ZNF536: variants seen among roughly 807,000 people sequenced by gnomAD.
ZNF536 encodes zinc finger protein 536.
In ZNF536, 13 loss-of-function variants were observed where a neutral mutation model predicts 84.5. That is an observed-to-expected ratio of 0.15 (90% CI 0.10 to 0.24). The LOEUF (loss-of-function observed/expected upper bound fraction) is 0.24, where lower values mean the gene tolerates loss of function less well. Among genes scored for constraint, ZNF536 ranks in the 10% least tolerant of loss-of-function variants. The pLI is 1.00. For missense variants in ZNF536, 1,536 were observed against 1,747.5 expected (o/e 0.88, Z 2.16); for synonymous variants, 811 against 742.5 (o/e 1.09, Z -1.50).
At chr19:30,331,287 TATC>T (rs2047201518) in intron 2 of ZNF536, among the ~76,000 whole-genome samples, 1 of 88,846 alleles carries the variant, frequency 1.1e-5, no homozygotes, top group Non-Finnish European at 2.1e-5. Context: ...TAAGACCCTG[TATC>T]TTAAAAAAAA....
chr19:30,521,655 G>C (rs1599676013), intron 2 of ZNF536, among the ~76,000 whole-genome samples: 1 of 152,178 alleles, frequency 6.6e-6, no homozygotes, highest in South Asian at 2.1e-4. Flanking sequence ...CACGTGCAAA[G>C]TATGGAGGAG....
At chr19:30,556,829 C>T in intron 4 of ZNF536, 1 of 207,856 alleles carries the variant, frequency 4.8e-6, no homozygotes, top group Non-Finnish European at 8.9e-6. Context: ...AATCCTACTG[C>T]TCAGGACCAA....
intron 1 of ZNF536, among the ~76,000 whole-genome samples, chr19:30,417,146 G>GTTTTTTTTT (rs1160366060): frequency 1.2e-5 from 1 of 85,196 alleles, no homozygotes; most frequent in African/African-American, 4.8e-5. Context: ...GCTAATTTTT[G>GTTTTTTTTT]TATTTTTTTT....
chr19:30,402,822 T>TATATATATATATATATATATATATATAA (rs1331644147), intron 1 of ZNF536, among the ~76,000 whole-genome samples: 3 of 142,558 alleles, frequency 2.1e-5, no homozygotes, highest in Non-Finnish European at 4.6e-5. Flanking sequence ...TATATATATA[T>TATATATATATATATATATATATATATAA]AATTTTCAAA....
intron 1 of ZNF536, among the ~76,000 whole-genome samples, chr19:30,677,888 G>C (rs996395300): frequency 1.3e-5 from 2 of 152,162 alleles, no homozygotes; most frequent in Non-Finnish European, 2.9e-5. Context: ...GGCTGTTAGA[G>C]AGGGGATGGG....
At chr19:30,684,528 T>G (rs145616663) in intron 1 of ZNF536, among the ~76,000 whole-genome samples, 28 of 152,334 alleles carry the variant, frequency 1.8e-4, no homozygotes, top group Non-Finnish European at 3.2e-4. Context: ...GGAAGTTCAC[T>G]TTACCTGAAA....
intron 1 of ZNF536, among the ~76,000 whole-genome samples, chr19:30,244,817 G>T (rs1341006125): frequency 6.6e-6 from 1 of 152,212 alleles, no homozygotes; most frequent in Non-Finnish European, 1.5e-5. Flanking sequence ...CAGCATTTGG[G>T]TTGCCTAGTG....
chr19:30,632,655 C>CAACA, intron 1 of ZNF536, among the ~76,000 whole-genome samples: 1 of 1,098 alleles, frequency 9.1e-4, no homozygotes, highest in Non-Finnish European at 3.4e-3. Context: ...ACCAACAAAC[C>CAACA]AACCAACCAA....
chr19:30,556,733 C>G (rs2045976977), intron 4 of ZNF536: 1 of 156,470 alleles, frequency 6.4e-6, no homozygotes, highest in African/African-American at 2.4e-5. Context: ...AAGCTACTGG[C>G]TGAATCAACA....
intron 2 of ZNF536, among the ~76,000 whole-genome samples, chr19:30,299,772 A>T (rs2046119302): frequency 6.6e-6 from 1 of 152,228 alleles, no homozygotes; most frequent in African/African-American, 2.4e-5. Flanking sequence ...CTCGGTTAAG[A>T]GTTAGGATAA....
chr19:30,446,605 T>G (rs2052361676), intron 2 of ZNF536, among the ~76,000 whole-genome samples: 1 of 152,144 alleles, frequency 6.6e-6, no homozygotes, highest in East Asian at 1.9e-4. Flanking sequence ...GCCAGATCCG[T>G]GTGACCTAAA....
At chr19:30,486,572 G>A (rs2054309527) in intron 2 of ZNF536, among the ~76,000 whole-genome samples, 1 of 152,150 alleles carries the variant, frequency 6.6e-6, no homozygotes, top group Non-Finnish European at 1.5e-5. Flanking sequence ...ACATGTGCAT[G>A]TATCTTTATA....
chr19:30,369,997 C>G (rs757068215), upstream of ZNF536, among the ~76,000 whole-genome samples: 10 of 152,178 alleles, frequency 6.6e-5, no homozygotes, highest in Non-Finnish European at 1.3e-4. Context: ...TGAGAAAGCA[C>G]TCTAACGTGG....
At chr19:30,324,912 A>C (rs1423451258) in intron 2 of ZNF536, among the ~76,000 whole-genome samples, 1 of 152,204 alleles carries the variant, frequency 6.6e-6, no homozygotes, top group East Asian at 1.9e-4. Context: ...CTAGTGGCGA[A>C]CAACAGTCCT....
chr19:30,536,954 AC>A (rs1207317157), intron 3 of ZNF536, among the ~76,000 whole-genome samples: 1 of 151,506 alleles, frequency 6.6e-6, no homozygotes, highest in Non-Finnish European at 1.5e-5. Flanking sequence ...ATGGCAGTGG[AC>A]CCCCCGCCCC....
intron 2 of ZNF536, among the ~76,000 whole-genome samples, chr19:30,476,948 A>G (rs1478984208): frequency 1.4e-5 from 2 of 145,610 alleles, no homozygotes. Context: ...CACTTCCTAT[A>G]CTTGCTGGGT....
At chr19:30,506,996 G>A (rs12462153) in intron 2 of ZNF536, among the ~76,000 whole-genome samples, 14,639 of 152,240 alleles carry the variant, frequency 0.096, 969 homozygotes, top group Non-Finnish European at 0.15. Flanking sequence ...AAGGGGGATC[G>A]TAGTATACAA....
intron 1 of ZNF536, among the ~76,000 whole-genome samples, chr19:30,235,204 C>T (rs946646939): frequency 6.6e-6 from 1 of 152,144 alleles, no homozygotes; most frequent in Non-Finnish European, 1.5e-5. Flanking sequence ...GGGCAGCTTC[C>T]GCAGTGGGCA....
rs1046168832 is a variant in ZNF536 at position 30,498,876 on chromosome 19, A to G, written c.2171-35971A>G. Among the ~76,000 whole-genome samples, 31 of 152,252 alleles carry G rather than the reference A, an allele frequency of 2.0e-4. No individual in the cohort carries two copies. The East Asian group carries it at 6.0e-3, about 30-fold the overall frequency. ...CACTCTACCGGGGGCGCAAGTAGGC[A>G]GCGAGCATGCAGCGAGGAGCCGAGG... is the stretch of plus-strand genomic sequence containing the variant. On this transcript the variant is annotated intron_variant, in intron 2 of 4. Transcript: ENST00000355537.
Sources: gnomAD v4.1 joint callset for allele counts (sites outside exome capture counted in the v4.1 genomes callset) on GRCh38, gnomAD v4.1.1 for gene constraint, MANE v1.5 for transcripts, NCBI Gene and HGNC (gene_info 2026-07-23, HGNC 2026-07-21) for gene names.